The following ASIC5 variants were observed in gnomAD, a reference collection of about 807,000 sequenced individuals.
The protein encoded by ASIC5 is acid sensing ion channel subunit family member 5.
ASIC5 carries 52 observed loss-of-function variants against 51.2 expected under a neutral mutation model. That is an observed-to-expected ratio of 1.02 (90% CI 0.81 to 1.28). ASIC5 has a LOEUF of 1.28. ASIC5 is among the 50% of genes most tolerant of loss of function. ASIC5 has a pLI of 0.00. For missense variants in ASIC5, 635 were observed against 595.0 expected, an observed-to-expected ratio of 1.07 and a Z score of -0.70; for synonymous variants, 231 against 200.7, an observed-to-expected ratio of 1.15 and a Z score of -1.28.
At chr4:155,846,720 ATAGT>A (rs1017203603) in intron 4 of ASIC5, among the ~76,000 whole-genome samples, 8 of 151,976 alleles carry the variant, frequency 5.3e-5, no homozygotes, top group African/African-American at 1.5e-4. Context: ...TTAAAATAAA[ATAGT>A]TAGGTAAGGG....
intron 5 of ASIC5, among the ~76,000 whole-genome samples, chr4:155,842,642 T>C (rs1464061352): frequency 1.3e-5 from 2 of 152,026 alleles, no homozygotes; most frequent in Non-Finnish European, 2.9e-5. Context: ...TTTATGTAAA[T>C]GTTATATTAG....
At chr4:155,846,843 A>T (rs1397241097) in intron 4 of ASIC5, among the ~76,000 whole-genome samples, 3 of 151,946 alleles carry the variant, frequency 2.0e-5, no homozygotes, top group Non-Finnish European at 4.4e-5. Context: ...ATATTATAGA[A>T]AAACATTCTT....
At chr4:155,859,398 G>A (rs1176090581) in intron 2 of ASIC5, among the ~76,000 whole-genome samples, 1 of 151,790 alleles carries the variant, frequency 6.6e-6, no homozygotes, top group African/African-American at 2.4e-5. Context: ...TATAGAGGAG[G>A]GAAGTATTAA....
intron 2 of ASIC5, among the ~76,000 whole-genome samples, chr4:155,857,014 T>C (rs1398257140): frequency 6.6e-6 from 1 of 152,080 alleles, no homozygotes; most frequent in Non-Finnish European, 1.5e-5. Flanking sequence ...TTATATAGAT[T>C]AATTAAATTT....
chr4:155,829,987 T>C lies in ASIC5; in HGVS notation c.1387A>G (p.Ile463Val), dbSNP rs745579058. ...CGASLITIIEIIEYLFTNFYW... is the reference protein window; with the variant it reads ...CGASLITIIEVIEYLFTNFYW... ...AAATTGGTGAATAGATATTCAATAA[T>C]TTCTATGATCGTGATCAGACTGGCC... Residue 463 changes from isoleucine to valine, a missense_variant, in exon 10 of 10, where the codon ATT becomes GTT. Ile to Val is a conservative substitution (Grantham distance 29, BLOSUM62 3). Coordinates refer to ENST00000537611, the MANE Select transcript of ASIC5 (RefSeq NM_017419.3). 1.3e-6 allele frequency: 2 copies of C among 1,599,756 alleles called. No homozygotes were observed. Among genetic ancestry groups the C allele is most frequent in the Non-Finnish European group, 1.7e-6 (2 of 1,172,802 alleles).
At position 155,836,865 on chromosome 4, in the gene ASIC5, GA is replaced by G; in HGVS notation, c.1067-9del. The G allele has an allele frequency of 6.4e-7, 1 of 1,571,260 alleles. No homozygotes were observed. The highest frequency in any genetic ancestry group is 8.7e-7 in the Non-Finnish European group (1 of 1,153,336). ...CCTTAAATTCAATGTGGTCTGAAAT[GA>G]AAATCAGGACAGGGAATTCAGAGAA... On this transcript the variant is annotated splice_polypyrimidine_tract_variant and intron_variant, in intron 7 of 9. Coordinates refer to ENST00000537611, the MANE Select transcript of ASIC5 (RefSeq NM_017419.3).
chr4:155,834,118 T>C (rs143749879), intron 8 of ASIC5, among the ~76,000 whole-genome samples: 48 of 152,310 alleles, frequency 3.2e-4, no homozygotes, highest in African/African-American at 1.1e-3. Context: ...GTTTTACTAA[T>C]GAAGTTGGCC....
At chr4:155,843,938 ATATTT>A in intron 4 of ASIC5, 108 bp from the exon 5 acceptor site, 1 of 963,978 alleles carries the variant, frequency 1.0e-6, no homozygotes, top group Non-Finnish European at 1.6e-6. Flanking sequence ...CTAATCCTAA[ATATTT>A]TATGTTATAT....
chr4:155,860,186 T>C (rs182968573), intron 2 of ASIC5, among the ~76,000 whole-genome samples: 43 of 152,106 alleles, frequency 2.8e-4, no homozygotes, highest in African/African-American at 1.0e-3. Context: ...TTCATGAAAA[T>C]ATATGAAATG....
chr4:155,863,042 G>A (rs1741754229), intron 2 of ASIC5, among the ~76,000 whole-genome samples: 1 of 152,016 alleles, frequency 6.6e-6, no homozygotes. Context: ...TAATATGCAG[G>A]GATCAAGACT....
intron 4 of ASIC5, among the ~76,000 whole-genome samples, chr4:155,851,971 A>C (rs1741391287): frequency 6.6e-6 from 1 of 152,042 alleles, no homozygotes; most frequent in East Asian, 1.9e-4. Flanking sequence ...AATTTAAGTC[A>C]GTAGGATAGC....
Position 155,863,535 on chromosome 4 carries a change from T to A in ASIC5, c.260A>T (p.Tyr87Phe). 6.2e-7 allele frequency: 1 copy of A among 1,613,760 alleles called. No individual in the cohort carries two copies. Among genetic ancestry groups the A allele is most frequent in the East Asian group, 2.2e-5 (1 of 44,848 alleles). The change falls in exon 2 of 10, where the codon TAC (tyrosine) becomes TTC (phenylalanine). Residue 87 changes from tyrosine (Y) to phenylalanine (F), a missense_variant. Coordinates refer to ENST00000537611, the MANE Select transcript of ASIC5 (RefSeq NM_017419.3). ...GGACGTTGTGGTTGGCCATGTGAAG[T>A]AGTTGAGCAAGCGAATGTAGATCTG... ...TWQIYIRLLNYFTWPTTTSIE... is the reference protein window; with the variant it reads ...TWQIYIRLLNFFTWPTTTSIE...
In ASIC5 at chr4:155,842,283, G is replaced by C; in HGVS notation, c.933C>G (p.Ser311Arg). Residue 311 changes from serine to arginine, a missense_variant, in exon 6 of 10, where the codon AGC becomes AGG. Transcript: ENST00000537611. Reference protein sequence around the residue: ...NIKLQNFSSYSTSGCLKECKA... With the variant: ...NIKLQNFSSYRTSGCLKECKA... The stretch of plus-strand genomic sequence containing the variant: ...TGCATTCCTTCAAGCAACCAGAAGT[G>C]CTGTAGCTGCTAAAATTCTGCAGCT... 1 of 1,613,438 alleles carries C rather than the reference G, an allele frequency of 6.2e-7. No homozygotes were observed. The highest frequency in any genetic ancestry group is 8.5e-7 in the Non-Finnish European group (1 of 1,179,576).
chr4:155,831,220 G>A (rs1740864312), intron 9 of ASIC5, among the ~76,000 whole-genome samples: 1 of 152,154 alleles, frequency 6.6e-6, no homozygotes, highest in Admixed American at 6.5e-5. Context: ...CCCAGGTGTA[G>A]CATTGCTGAA....
chr4:155,842,355 C>G lies in ASIC5; in HGVS notation c.862-1G>C, dbSNP rs912247022. 1 of 1,608,070 alleles carries G rather than the reference C, an allele frequency of 6.2e-7. No individual in the cohort carries two copies. Among genetic ancestry groups the G allele is most frequent in the South Asian group, 1.1e-5 (1 of 90,384 alleles). ...CCCAAGGGTATTCTTGATGAACTGT[C>G]TTAAGATAAGATAAATACTGGGTTC... On this transcript the variant is annotated splice_acceptor_variant, in intron 5 of 9. Transcript: ENST00000537611. LOFTEE classifies it high-confidence loss of function.
rs775010010 is a variant in ASIC5, at chr4:155,854,173, G to A, written c.489C>T (p.Asn163=). The change falls in exon 3 of 10, where the codon AAC becomes AAT. Residue 163 remains asparagine, a synonymous_variant. Coordinates refer to ENST00000537611, the MANE Select transcript of ASIC5 (RefSeq NM_017419.3). ...EATDFAASHQ[N]FSIVEFIRNK... ...TCCTGATAAATTCCACAATGCTGAA[G>A]TTTTGGTGACTTGCAGCAAAATCAG... 17 of 1,613,332 alleles carry A rather than the reference G, an allele frequency of 1.1e-5. No individual in the cohort carries two copies. The East Asian group carries it at 2.2e-4, about 21-fold the overall frequency.
At position 155,854,217 on chromosome 4, in the gene ASIC5, T is replaced by A. The variant is rs1412542502; in HGVS notation, c.445A>T (p.Thr149Ser). ...AAATCAGTAGCCTCTCTAGAGCCAG[T>A]GGAATTGGCAGTAATTTCTTGAAGA... ...LHLQEITANS[T>S]GSREATDFAA... The change falls in exon 3 of 10, where the codon ACT (threonine) becomes TCT (serine). Residue 149 changes from threonine (T) to serine (S), a missense_variant. Physicochemically the swap from Thr to Ser is moderately conservative, Grantham distance 58. Coordinates refer to ENST00000537611, the MANE Select transcript of ASIC5 (RefSeq NM_017419.3). 1 of 1,613,344 alleles carries A rather than the reference T, an allele frequency of 6.2e-7. No homozygotes were observed. The highest frequency in any genetic ancestry group is 1.1e-5 in the South Asian group (1 of 91,076).
Position 155,853,979 on chromosome 4 carries a change from A to G in ASIC5, c.585+98T>C, listed in dbSNP as rs183801872. On this transcript the variant is annotated intron_variant, in intron 3 of 9. Transcript: ENST00000537611. ...AGAATCTGTAAGCAAATTTGGATTG[A>G]TTCACCATGGGAGTAAATGCCGTGG... 5.5e-6 allele frequency: 5 copies of G among 914,316 alleles called. No homozygotes were observed. In the Admixed American group the frequency reaches 1.1e-4, roughly 20 times the overall value. 56.6% of individuals were successfully genotyped at this position (914,316 alleles called of 1,614,324 possible).
chr4:155,858,218 A>C (rs988240775), intron 2 of ASIC5, among the ~76,000 whole-genome samples: 13 of 152,128 alleles, frequency 8.5e-5, no homozygotes, highest in Non-Finnish European at 7.4e-5. Context: ...AAACAGTATT[A>C]CAATTTCTGG....
Sources: gnomAD v4.1 joint callset for allele counts (sites outside exome capture counted in the v4.1 genomes callset) on GRCh38, gnomAD v4.1.1 for gene constraint, MANE v1.5 for transcripts, NCBI Gene and HGNC (gene_info 2026-07-23, HGNC 2026-07-21) for gene names.